Variants in CRB1 observed in about 807,000 individuals in gnomAD.
CRB1 encodes the protein crumbs cell polarity complex component 1, also known as protein crumbs homolog 1.
CRB1 carries 83 observed loss-of-function variants against 120.0 expected under a neutral mutation model. The observed-to-expected ratio is 0.69, with a 90% CI of 0.58 to 0.83. The LOEUF (loss-of-function observed/expected upper bound fraction) is 0.83, where lower values mean the gene tolerates loss of function less well. CRB1 is among the 40% of genes least tolerant of loss of function. The pLI, the probability that CRB1 is intolerant of heterozygous loss-of-function variation, is 0.00. For synonymous variants in CRB1, 625 were observed against 612.5 expected (o/e 1.02, Z -0.30); for missense variants, 1,699 against 1,687.6 (o/e 1.01, Z -0.12).
At chr1:197,442,406 G>T (rs1406181929) in intron 11 of CRB1, 114 bp downstream of exon 11, 1 of 1,603,658 alleles carries the variant, frequency 6.2e-7, no homozygotes, top group Admixed American at 1.7e-5. Flanking sequence ...GGGGTGAACA[G>T]GAAGATTATT....
chr1:197,405,035 G>C (rs964188837), intron 5 of CRB1, among the ~76,000 whole-genome samples: 1 of 151,480 alleles, frequency 6.6e-6, no homozygotes, highest in African/African-American at 2.4e-5. Flanking sequence ...TTAATAATGT[G>C]CTCGCCCTCG....
At chr1:197,409,647 C>G (rs1159016143) in intron 5 of CRB1, among the ~76,000 whole-genome samples, 1 of 152,126 alleles carries the variant, frequency 6.6e-6, no homozygotes, top group Non-Finnish European at 1.5e-5. Flanking sequence ...GTACCAACCA[C>G]AAGTTGGCTT....
chr1:197,472,605 A>G (rs1347562372), intron 11 of CRB1, among the ~76,000 whole-genome samples: 2 of 152,142 alleles, frequency 1.3e-5, no homozygotes, highest in Non-Finnish European at 2.9e-5. Flanking sequence ...CCTAAATATC[A>G]TGAAAGATAG....
At position 197,435,296 on chromosome 1, in the gene CRB1, T is replaced by C. The variant is rs779453891; in HGVS notation, c.3433T>C (p.Ser1145Pro). The C allele has an allele frequency of 1.2e-6, 2 of 1,613,874 alleles. No individual in the cohort carries two copies. Among genetic ancestry groups the C allele is most frequent in the African/African-American group, 1.3e-5 (1 of 75,032 alleles). Residue 1145 changes from serine (S) to proline (P), a missense_variant, in exon 9 of 12, where the codon TCC becomes CCC. Physicochemically the swap from Ser to Pro is moderately conservative, Grantham distance 74. Coordinates refer to ENST00000367400, the MANE Select transcript of CRB1 (RefSeq NM_201253.3). The stretch of plus-strand genomic sequence containing the variant: ...CTGTTTGCAGTTAAATGTCTGCAAC[T>C]CCAACCCCTGTTTGCATGGAGGAAA... ...TGCLQLNVCNSNPCLHGGNCE... is the reference protein window; with the variant it reads ...TGCLQLNVCNPNPCLHGGNCE...
At chr1:197,332,725 G>A (rs1357563490) in intron 2 of CRB1, among the ~76,000 whole-genome samples, 3 of 152,176 alleles carry the variant, frequency 2.0e-5, no homozygotes, top group African/African-American at 7.2e-5. Flanking sequence ...TTTAATTGAT[G>A]AGTCTAATGT....
intron 11 of CRB1, among the ~76,000 whole-genome samples, chr1:197,453,400 C>T (rs1405012579): frequency 1.4e-5 from 2 of 145,560 alleles, no homozygotes; most frequent in Non-Finnish European, 3.0e-5. Flanking sequence ...ATATAACATA[C>T]TTATATACTA....
the CRB1 span, among the ~76,000 whole-genome samples, chr1:197,259,020 A>G: frequency 6.6e-6 from 1 of 152,216 alleles, no homozygotes; most frequent in African/African-American, 2.4e-5. Flanking sequence ...GTAGTTTTTC[A>G]AGAAACAACA....
chr1:197,350,609 G>A (rs571775401), intron 4 of CRB1, among the ~76,000 whole-genome samples: 22 of 152,296 alleles, frequency 1.4e-4, no homozygotes, highest in African/African-American at 4.1e-4. Flanking sequence ...TTCCTCCAAG[G>A]AGCCTAAATT....
intron 4 of CRB1, among the ~76,000 whole-genome samples, chr1:197,350,186 A>G (rs1440899557): frequency 6.6e-6 from 1 of 151,884 alleles, no homozygotes; most frequent in Non-Finnish European, 1.5e-5. Flanking sequence ...CTCATGAAAG[A>G]TCTCTGTCCA....
intron 1 of CRB1, among the ~76,000 whole-genome samples, chr1:197,311,746 T>TGTGTGTG (rs1657540299): frequency 2.1e-5 from 3 of 140,766 alleles, no homozygotes; most frequent in African/African-American, 5.2e-5. Context: ...TGTGTGTGTG[T>TGTGTGTG]TGAGAAGATT....
intron 5 of CRB1, among the ~76,000 whole-genome samples, chr1:197,417,809 C>T (rs1664086195): frequency 6.6e-6 from 1 of 152,146 alleles, no homozygotes. Context: ...GGGGACAAAA[C>T]ACATAAATCT....
At chr1:197,218,216 GT>G in the CRB1 span, among the ~76,000 whole-genome samples, 1 of 152,192 alleles carries the variant, frequency 6.6e-6, no homozygotes, top group Non-Finnish European at 1.5e-5. Context: ...AGGTGTGTCA[GT>G]TTATCATGAA....
intron 2 of CRB1, among the ~76,000 whole-genome samples, chr1:197,337,267 C>A (rs751698843): frequency 8.5e-5 from 13 of 152,166 alleles, no homozygotes; most frequent in African/African-American, 1.2e-4. Context: ...ACTGCTATTT[C>A]TCCTAGTGCC....
At chr1:197,296,038 A>G (rs1656497899) in intron 1 of CRB1, among the ~76,000 whole-genome samples, 1 of 152,102 alleles carries the variant, frequency 6.6e-6, no homozygotes, top group Admixed American at 6.6e-5. Context: ...ACAGAAGACT[A>G]TAAAAATATG....
chr1:197,350,024 C>T (rs559948814), intron 4 of CRB1, among the ~76,000 whole-genome samples: 8 of 149,518 alleles, frequency 5.4e-5, no homozygotes, highest in Admixed American at 4.7e-4. Context: ...GGCGTGAACC[C>T]GGGAAGCGGA....
chr1:197,429,349 G>A, intron 7 of CRB1, 100 bp from the exon 8 acceptor site: 1 of 1,451,190 alleles, frequency 6.9e-7, no homozygotes, highest in African/African-American at 1.4e-5. Flanking sequence ...AAGATGCAGG[G>A]AAATTAGCAT....
chr1:197,275,467 G>A (rs1415079340), intron 1 of CRB1, among the ~76,000 whole-genome samples: 2 of 151,858 alleles, frequency 1.3e-5, no homozygotes, highest in African/African-American at 4.8e-5. Flanking sequence ...ACATTATATC[G>A]ATATCCTTGT....
chr1:197,234,421 C>T, the CRB1 span, among the ~76,000 whole-genome samples: 1 of 152,234 alleles, frequency 6.6e-6, no homozygotes, highest in Non-Finnish European at 1.5e-5. Flanking sequence ...CTTCTTCCAA[C>T]AGCCTGAGTG....
intron 5 of CRB1, among the ~76,000 whole-genome samples, chr1:197,366,904 C>A (rs1198688770): frequency 6.6e-6 from 1 of 152,110 alleles, no homozygotes; most frequent in Non-Finnish European, 1.5e-5. Flanking sequence ...TTCTCTAATT[C>A]TCCAAAATCA....
Sources: gnomAD v4.1 joint callset for allele counts (sites outside exome capture counted in the v4.1 genomes callset) on GRCh38, gnomAD v4.1.1 for gene constraint, MANE v1.5 for transcripts, NCBI Gene and HGNC (gene_info 2026-07-23, HGNC 2026-07-21) for gene names.